The following GNG2 variants were observed in gnomAD, a reference collection of about 807,000 sequenced individuals.
GNG2 encodes guanine nucleotide-binding protein G(I)/G(S)/G(O) subunit gamma-2.
A neutral mutation model predicts 5.5 loss-of-function variants in GNG2; 5 were observed. The ratio of observed to expected loss-of-function variants is 0.91; its 90% CI spans 0.48 to 1.92. The LOEUF is 1.92. Ranked by LOEUF, GNG2 falls within the 30% of genes most tolerant of loss-of-function variation. The pLI is 0.01. For missense variants in GNG2, 55 were observed against 88.4 expected (o/e 0.62, Z 1.52); for synonymous variants, 28 against 32.0 (o/e 0.88, Z 0.42).
At chr14:51,943,248 G>GT (rs1163824454) in intron 2 of GNG2, among the ~76,000 whole-genome samples, 4 of 152,102 alleles carry the variant, frequency 2.6e-5, no homozygotes, top group Non-Finnish European at 5.9e-5. Flanking sequence ...TAACCAAAAG[G>GT]TTTTTTGTTG....
chr14:51,847,881 C>CTTTTT (rs540204195), intron 2 of GNG2, among the ~76,000 whole-genome samples: 2 of 48,138 alleles, frequency 4.2e-5, no homozygotes, highest in Admixed American at 3.1e-4. Context: ...GGTCCTTTTT[C>CTTTTT]TTTTTTTTTT....
intron 2 of GNG2, among the ~76,000 whole-genome samples, chr14:51,949,884 A>G (rs959823987): frequency 1.3e-5 from 2 of 152,122 alleles, no homozygotes; most frequent in Admixed American, 6.5e-5. Flanking sequence ...GGGGGAGGGG[A>G]GCACACATGG....
chr14:51,946,942 A>G (rs1268887056), intron 2 of GNG2, among the ~76,000 whole-genome samples: 1 of 152,182 alleles, frequency 6.6e-6, no homozygotes, highest in Non-Finnish European at 1.5e-5. Flanking sequence ...TGTGAAAAAA[A>G]AGGGAAAAAT....
At chr14:51,962,646 T>C (rs192454990) in intron 3 of GNG2, among the ~76,000 whole-genome samples, 1 of 152,136 alleles carries the variant, frequency 6.6e-6, no homozygotes, top group Admixed American at 6.5e-5. Context: ...GCAATAGATA[T>C]AACAGGAAGG....
chr14:51,862,845 A>T (rs1046014637), intron 1 of GNG2, among the ~76,000 whole-genome samples: 1 of 152,270 alleles, frequency 6.6e-6, no homozygotes, highest in African/African-American at 2.4e-5. Context: ...TTTAGGAAAA[A>T]GATGAATATG....
chr14:51,878,837 A>C (rs1446986017), intron 2 of GNG2, among the ~76,000 whole-genome samples: 1 of 152,214 alleles, frequency 6.6e-6, no homozygotes, highest in African/African-American at 2.4e-5. Context: ...GAGACATCCC[A>C]TATTCTATCA....
At chr14:51,894,666 T>G (rs796847827) in intron 2 of GNG2, among the ~76,000 whole-genome samples, 135 of 152,234 alleles carry the variant, frequency 8.9e-4, no homozygotes, top group African/African-American at 3.1e-3. Context: ...TAAGTATAAT[T>G]TTATCTGTTG....
chr14:51,868,022 T>G, intron 1 of GNG2, among the ~76,000 whole-genome samples: 1 of 152,230 alleles, frequency 6.6e-6, no homozygotes, highest in East Asian at 1.9e-4. Flanking sequence ...TGAACATTCT[T>G]GAGTGACTCA....
At chr14:51,886,755 G>A (rs1884485284) in intron 2 of GNG2, among the ~76,000 whole-genome samples, 1 of 152,168 alleles carries the variant, frequency 6.6e-6, no homozygotes, top group South Asian at 2.1e-4. Context: ...AACCTGAACT[G>A]ATTCTTCCAC....
chr14:51,954,596 T>C (rs1414997526), intron 3 of GNG2, among the ~76,000 whole-genome samples: 3 of 152,180 alleles, frequency 2.0e-5, no homozygotes, highest in East Asian at 3.8e-4. Flanking sequence ...AGATACAGGA[T>C]GTCTCAATCC....
At chr14:51,909,806 G>C (rs917490750) in intron 2 of GNG2, among the ~76,000 whole-genome samples, 9 of 152,242 alleles carry the variant, frequency 5.9e-5, no homozygotes, top group African/African-American at 2.2e-4. Flanking sequence ...GAAATGAAGA[G>C]AAATGGATTG....
intron 2 of GNG2, among the ~76,000 whole-genome samples, chr14:51,922,456 C>T (rs1009349921): frequency 1.3e-5 from 2 of 152,052 alleles, no homozygotes; most frequent in South Asian, 2.1e-4. Flanking sequence ...TGGTAGTTGG[C>T]GAGGGGGAAG....
rs72678132 is a variant in GNG2 at position 51,882,072 on chromosome 14, C to A, written c.-30+4415C>A. 2.5e-3 allele frequency among the ~76,000 whole-genome samples: 376 copies of A among 152,176 alleles called. 2 individuals carry two copies. Among genetic ancestry groups the A allele is most frequent in the Non-Finnish European group, 4.3e-3 (295 of 67,984 alleles). On this transcript the variant is annotated intron_variant, in intron 2 of 3. Coordinates refer to ENST00000556766, the MANE Select transcript of GNG2 (RefSeq NM_053064.5). ...TTATGCTGTAATTTAAACTTAGGTT[C>A]TTTTATTCTTTTTCAAAGAGAAATT...
chr14:51,866,049 C>T (rs1882858103), intron 1 of GNG2, among the ~76,000 whole-genome samples: 1 of 152,108 alleles, frequency 6.6e-6, no homozygotes, highest in African/African-American at 2.4e-5. Context: ...ACAGGATCAG[C>T]CCCTTTATCT....
chr14:51,894,789 ACAGTACTT>A (rs1885076836), intron 2 of GNG2, among the ~76,000 whole-genome samples: 1 of 152,132 alleles, frequency 6.6e-6, no homozygotes, highest in South Asian at 2.1e-4. Context: ...AACAAAACCT[ACAGTACTT>A]CTGTACTTAT....
intron 3 of GNG2, among the ~76,000 whole-genome samples, chr14:51,956,108 ATCC>A (rs2140294716): frequency 6.6e-6 from 1 of 152,314 alleles, no homozygotes; most frequent in East Asian, 1.9e-4. Context: ...ATGGAATACA[ATCC>A]TCCTTCTAGG....
upstream of GNG2, among the ~76,000 whole-genome samples, chr14:51,856,305 T>C (rs1452158848): frequency 6.6e-6 from 1 of 152,206 alleles, no homozygotes; most frequent in South Asian, 2.1e-4. Context: ...CTGGGACAGT[T>C]GGAATGTGGC....
At chr14:51,843,534 A>G (rs1047684280) in intron 2 of GNG2, among the ~76,000 whole-genome samples, 2 of 151,740 alleles carry the variant, frequency 1.3e-5, no homozygotes, top group Non-Finnish European at 2.9e-5. Flanking sequence ...ATGTATACCT[A>G]TGTAACCTGC....
At chr14:51,955,646 A>G (rs1889235198) in intron 3 of GNG2, among the ~76,000 whole-genome samples, 1 of 152,238 alleles carries the variant, frequency 6.6e-6, no homozygotes, top group Non-Finnish European at 1.5e-5. Context: ...GATTCCAAGC[A>G]TGAATGTAAC....
Sources: gnomAD v4.1 joint callset for allele counts (sites outside exome capture counted in the v4.1 genomes callset) on GRCh38, gnomAD v4.1.1 for gene constraint, MANE v1.5 for transcripts, NCBI Gene and HGNC (gene_info 2026-07-23, HGNC 2026-07-21) for gene names.